The following ARHGAP32 variants were observed in gnomAD, a reference collection of about 807,000 sequenced individuals.
ARHGAP32 encodes the protein Rho GTPase activating protein 32.
A neutral mutation model predicts 186.5 loss-of-function variants in ARHGAP32; 51 were observed. The ratio of observed to expected loss-of-function variants is 0.27; its 90% CI spans 0.22 to 0.35. The LOEUF (loss-of-function observed/expected upper bound fraction) is 0.35, where lower values mean the gene tolerates loss of function less well. Among genes scored for constraint, ARHGAP32 ranks in the 10% least tolerant of loss-of-function variants. The pLI, the probability that ARHGAP32 is intolerant of heterozygous loss-of-function variation, is 1.00. For missense variants in ARHGAP32, 2,186 were observed against 2,623.5 expected (o/e 0.83, Z 3.64); for synonymous variants, 950 against 964.3 (o/e 0.99, Z 0.27).
intron 11 of ARHGAP32, 75 bp from the exon 12 acceptor site, chr11:128,998,543 T>G: frequency 1.7e-6 from 2 of 1,159,166 alleles, no homozygotes; most frequent in Non-Finnish European, 2.3e-6. Flanking sequence ...AACAAACATA[T>G]CTCAAGAGGC....
chr11:129,145,128 T>C (rs1943141346), intron 2 of ARHGAP32, among the ~76,000 whole-genome samples: 1 of 152,098 alleles, frequency 6.6e-6, no homozygotes, highest in Admixed American at 6.6e-5. Context: ...TCCAACAATG[T>C]ATATAATTTT....
At chr11:129,247,522 T>C (rs1156326799) in intron 1 of ARHGAP32, among the ~76,000 whole-genome samples, 1 of 152,234 alleles carries the variant, frequency 6.6e-6, no homozygotes, top group East Asian at 1.9e-4. Context: ...ATTATATTAA[T>C]CTGCCTTCAA....
chr11:129,277,615 C>T (rs1046428164), intron 1 of ARHGAP32, among the ~76,000 whole-genome samples: 4 of 152,210 alleles, frequency 2.6e-5, no homozygotes, highest in Non-Finnish European at 5.9e-5. Flanking sequence ...GCTTTATACA[C>T]GGACTGCTAT....
intron 1 of ARHGAP32, among the ~76,000 whole-genome samples, chr11:129,174,066 A>G (rs577149323): frequency 4.8e-4 from 73 of 152,338 alleles, no homozygotes; most frequent in Middle Eastern, 3.4e-3. Flanking sequence ...GACAGTGGGC[A>G]CAGGACAGTG....
At chr11:128,996,259 T>C (rs1164122867) in intron 12 of ARHGAP32, among the ~76,000 whole-genome samples, 1 of 151,898 alleles carries the variant, frequency 6.6e-6, no homozygotes, top group Admixed American at 6.6e-5. Context: ...GTTTAATGTT[T>C]GTATCTATTC....
intron 10 of ARHGAP32, among the ~76,000 whole-genome samples, chr11:129,044,253 T>C (rs1353033499): frequency 6.6e-6 from 1 of 152,160 alleles, no homozygotes; most frequent in African/African-American, 2.4e-5. Context: ...CTAGTATAAA[T>C]AAAATGCATA....
intron 11 of ARHGAP32, 79 bp downstream of exon 11, chr11:129,040,849 C>A: frequency 1.0e-6 from 1 of 987,228 alleles, no homozygotes. Context: ...GCAAAACAAG[C>A]TAAATACTTG....
In ARHGAP32 at chr11:128,970,892, T is replaced by C. The variant is rs1945347600; in HGVS notation, c.4321A>G (p.Ile1441Val). The change falls in exon 23 of 23, where the codon ATA (isoleucine) becomes GTA (valine). Residue 1441 changes from isoleucine (I) to valine (V), a missense_variant. Around this residue, in one of 5 missense-constraint regions of ARHGAP32, gnomAD observed 1,502 missense variants for 1,570.0 expected, o/e 0.96. Coordinates refer to ENST00000682385, the MANE Select transcript of ARHGAP32 (RefSeq NM_001378024.1). The surrounding 1 kb of genome is among the most constrained non-coding windows in gnomAD (Gnocchi z 5.8). ...RMMESKMIAAIHSSSADATSS... is the reference protein window; with the variant it reads ...RMMESKMIAAVHSSSADATSS... ...GTGGCATCTGCACTGCTGGAGTGTA[T>C]GGCAGCAATCATCTTACTCTCCATC... 1.2e-6 allele frequency: 2 copies of C among 1,614,016 alleles called. No individual in the cohort carries two copies. Among genetic ancestry groups the C allele is most frequent in the African/African-American group, 2.7e-5 (2 of 74,934 alleles).
chr11:129,026,405 A>G (rs1045928586), intron 11 of ARHGAP32, among the ~76,000 whole-genome samples: 2 of 152,154 alleles, frequency 1.3e-5, no homozygotes, highest in Non-Finnish European at 2.9e-5. Context: ...CTATCCCCCT[A>G]TTTTGGACTA....
intron 1 of ARHGAP32, among the ~76,000 whole-genome samples, chr11:129,237,253 A>G (rs1006111610): frequency 1.3e-5 from 2 of 152,130 alleles, no homozygotes; most frequent in East Asian, 3.9e-4. Flanking sequence ...TTTTGCCTAC[A>G]CAGATCAAAA....
intron 1 of ARHGAP32, 92 bp downstream of exon 1, chr11:129,191,991 T>C (rs944410842): frequency 2.1e-5 from 20 of 949,362 alleles, no homozygotes; most frequent in Admixed American, 4.0e-5. Flanking sequence ...GAAAGTCTTA[T>C]TGGAAAAAAG....
At position 128,974,325 on chromosome 11, in the gene ARHGAP32, C is replaced by G. The variant is rs371103913; in HGVS notation, c.2872G>C (p.Glu958Gln). 5 of 1,614,046 alleles carry G rather than the reference C, an allele frequency of 3.1e-6. No homozygotes were observed. The highest frequency in any genetic ancestry group is 1.7e-5 in the Admixed American group (1 of 60,006). The change falls in exon 21 of 23, where the codon GAA becomes CAA. Residue 958 changes from glutamate to glutamine, a missense_variant. Physicochemically the swap from Glu to Gln is conservative, Grantham distance 29. Transcript: ENST00000682385. Reference sequence around the variant, plus strand: ...GATCTATTTGTGGCATCCCTTTCTTCAACGCATTTGTCCCAGGTTGAAGAT... The same window carrying G: ...GATCTATTTGTGGCATCCCTTTCTTGAACGCATTTGTCCCAGGTTGAAGAT... The part of the protein sequence containing the change: ...ASSSTWDKCV[E>Q]ERDATNRSPT...
rs527647676 is a variant in ARHGAP32 at position 129,086,684 on chromosome 11, G to A, written c.531+6937C>T. 1.6e-4 allele frequency among the ~76,000 whole-genome samples: 25 copies of A among 152,156 alleles called. No homozygotes were observed. The East Asian group carries it at 4.1e-3, about 25-fold the overall frequency. ...AAAATACAAAAAATTAGCCGGGCGTGGTGGTGGGCGCCTGTAGTCCCAGCT... is the reference window on the plus strand; with the variant it reads ...AAAATACAAAAAATTAGCCGGGCGTAGTGGTGGGCGCCTGTAGTCCCAGCT... On this transcript the variant is annotated intron_variant, in intron 6 of 22. Coordinates refer to ENST00000682385, the MANE Select transcript of ARHGAP32 (RefSeq NM_001378024.1).
At chr11:129,161,918 T>C (rs1436789951) in intron 2 of ARHGAP32, among the ~76,000 whole-genome samples, 2 of 152,114 alleles carry the variant, frequency 1.3e-5, no homozygotes, top group Non-Finnish European at 2.9e-5. Flanking sequence ...AATGATAGAC[T>C]GGATAAAGAA....
At chr11:129,126,990 A>C (rs560273612) in intron 2 of ARHGAP32, among the ~76,000 whole-genome samples, 1 of 152,228 alleles carries the variant, frequency 6.6e-6, no homozygotes, top group Non-Finnish European at 1.5e-5. Flanking sequence ...TCATAAATTG[A>C]CTTAAAAATA....
chr11:129,048,149 C>T (rs907640316), intron 10 of ARHGAP32, among the ~76,000 whole-genome samples: 1 of 152,004 alleles, frequency 6.6e-6, no homozygotes, highest in Non-Finnish European at 1.5e-5. Flanking sequence ...ATACTGTCCC[C>T]TTGAATGTCA....
chr11:129,096,807 C>T (rs1253578611), intron 5 of ARHGAP32, among the ~76,000 whole-genome samples: 1 of 152,158 alleles, frequency 6.6e-6, no homozygotes, highest in Admixed American at 6.5e-5. Flanking sequence ...CCTTCCCTGT[C>T]CCCCTTGATT....
chr11:128,978,508 T>C (rs1423457167), intron 19 of ARHGAP32, among the ~76,000 whole-genome samples: 1 of 152,212 alleles, frequency 6.6e-6, no homozygotes, highest in Non-Finnish European at 1.5e-5. Flanking sequence ...ACAAGGTATA[T>C]GTGAATTTAA....
Position 129,093,547 on chromosome 11 carries a change from T to C in ARHGAP32, c.531+74A>G, listed in dbSNP as rs1244743607. On this transcript the variant is annotated intron_variant, in intron 6 of 22. Coordinates refer to ENST00000682385, the MANE Select transcript of ARHGAP32 (RefSeq NM_001378024.1). ...TATATCCTTTAGGCAAATCACGTTA[T>C]AGAAATAAATTTAATCATCACTCAA... The C allele has an allele frequency of 3.9e-6, 4 of 1,033,258 alleles. No homozygotes were observed. In the East Asian group the frequency reaches 7.7e-5, roughly 20 times the overall value. 64.0% of individuals were successfully genotyped at this position (1,033,258 alleles called of 1,614,324 possible). A position where few individuals can be genotyped will look rare whatever the true frequency, so the allele number is the denominator to read the frequency against.
Sources: gnomAD v4.1 joint callset for allele counts (sites outside exome capture counted in the v4.1 genomes callset) on GRCh38, gnomAD v4.1.1 for gene constraint, gnomAD v4.1.1 regional missense constraint, Gnocchi (gnomAD v3.1) non-coding constraint, MANE v1.5 for transcripts, NCBI Gene and HGNC (gene_info 2026-07-23, HGNC 2026-07-21) for gene names.